AFF3: variants seen among roughly 807,000 people sequenced by gnomAD.
AFF3 encodes ALF transcription elongation factor 3.
In AFF3, 32 loss-of-function variants were observed where a neutral mutation model predicts 129.7. That is an observed-to-expected ratio of 0.25 (90% confidence interval 0.19 to 0.33). The LOEUF (loss-of-function observed/expected upper bound fraction) is 0.33, where lower values mean the gene tolerates loss of function less well. Ranked by LOEUF, AFF3 falls within the 10% of genes least tolerant of loss-of-function variation. AFF3 has a pLI of 1.00. For synonymous variants in AFF3, 644 were observed against 635.4 expected (o/e 1.01, Z -0.20); for missense variants, 1,373 against 1,592.0 (o/e 0.86, Z 2.34).
intron 7 of AFF3, among the ~76,000 whole-genome samples, chr2:99,947,672 A>G (rs1170126683): frequency 6.6e-6 from 1 of 152,074 alleles, no homozygotes; most frequent in Non-Finnish European, 1.5e-5. Context: ...AGACAGACAG[A>G]TAGATCGATC....
At chr2:99,668,639 T>G (rs998618208) in intron 12 of AFF3, among the ~76,000 whole-genome samples, 1 of 152,116 alleles carries the variant, frequency 6.6e-6, no homozygotes, top group Admixed American at 6.5e-5. Flanking sequence ...TTTGGCTCAC[T>G]GCAACCTCCG....
At chr2:100,078,085 C>T (rs893275415) in intron 4 of AFF3, among the ~76,000 whole-genome samples, 2 of 152,190 alleles carry the variant, frequency 1.3e-5, no homozygotes, top group South Asian at 4.1e-4. Context: ...GTAAACTACA[C>T]ATATTTTGCA....
At chr2:100,094,352 T>A (rs1690111162) in intron 4 of AFF3, among the ~76,000 whole-genome samples, 1 of 152,000 alleles carries the variant, frequency 6.6e-6, no homozygotes, top group African/African-American at 2.4e-5. Context: ...CTGGGGGTGA[T>A]GGGAGACAGT....
chr2:100,055,509 G>A (rs910541074), intron 4 of AFF3, among the ~76,000 whole-genome samples: 10 of 151,604 alleles, frequency 6.6e-5, no homozygotes, highest in Admixed American at 5.9e-4. Context: ...AAAAATGCCA[G>A]GCTCAACCTC....
At chr2:99,589,630 AT>A (rs1678469443) in intron 15 of AFF3, among the ~76,000 whole-genome samples, 1 of 151,922 alleles carries the variant, frequency 6.6e-6, no homozygotes, top group Non-Finnish European at 1.5e-5. Flanking sequence ...CGATCTCTTG[AT>A]CTCGTGATCT....
chr2:100,125,024 A>G (rs922052168), intron 2 of AFF3, among the ~76,000 whole-genome samples: 5 of 152,214 alleles, frequency 3.3e-5, no homozygotes, highest in Admixed American at 6.5e-5. Flanking sequence ...CAATTTCAAC[A>G]CAAAAACAAA....
intron 13 of AFF3, among the ~76,000 whole-genome samples, chr2:99,611,886 C>CA (rs36056201): frequency 0.29 from 41,501 of 145,048 alleles, 5,900 homozygotes; most frequent in Non-Finnish European, 0.33. Context: ...GATATCATCT[C>CA]AAAAAAAAAA....
At chr2:99,897,318 T>A (rs1237518681) in intron 7 of AFF3, among the ~76,000 whole-genome samples, 1 of 152,144 alleles carries the variant, frequency 6.6e-6, no homozygotes, top group African/African-American at 2.4e-5. Flanking sequence ...CACATGCAAT[T>A]AATTTGAAAA....
chr2:99,883,975 T>C (rs557343099), intron 7 of AFF3, among the ~76,000 whole-genome samples: 6 of 152,228 alleles, frequency 3.9e-5, no homozygotes, highest in African/African-American at 1.2e-4. Flanking sequence ...CCATTAATCA[T>C]GCACATTTGT....
chr2:99,914,210 C>T (rs147192949), intron 7 of AFF3, among the ~76,000 whole-genome samples: 197 of 152,206 alleles, frequency 1.3e-3, no homozygotes, highest in Middle Eastern at 0.01. Flanking sequence ...TGATGTGCAA[C>T]GAACTGAGAA....
chr2:100,003,883 C>T (rs1193303908), intron 7 of AFF3, among the ~76,000 whole-genome samples: 1 of 151,752 alleles, frequency 6.6e-6, no homozygotes, highest in Non-Finnish European at 1.5e-5. Context: ...TTAATTTGGA[C>T]TGTAAATGAG....
intron 8 of AFF3, among the ~76,000 whole-genome samples, chr2:99,760,211 G>T (rs1257397914): frequency 6.6e-6 from 1 of 152,134 alleles, no homozygotes; most frequent in East Asian, 1.9e-4. Flanking sequence ...ATATGGGGAA[G>T]AGTTTTTTAA....
rs3073407 is a variant in AFF3, at chr2:99,628,723, A to ATTTTT, written c.1184+20898_1184+20902dup. 6.5e-5 allele frequency among the ~76,000 whole-genome samples: 6 copies of ATTTTT among 92,426 alleles called. 2 individuals are homozygous for ATTTTT. The highest frequency in any genetic ancestry group is 5.9e-5 in the Non-Finnish European group (3 of 51,190). 60.6% of individuals were successfully genotyped at this position (92,426 alleles called of 152,430 possible). A position where few individuals can be genotyped will look rare whatever the true frequency, so the allele number is the denominator to read the frequency against. On this transcript the variant is annotated intron_variant, in intron 13 of 24. Transcript: ENST00000672756. The stretch of plus-strand genomic sequence containing the variant: ...AGGCACGTGCCACCATGCTTGACTG[A>ATTTTT]TTTTTTTTTTTTTTTGAGACAGAGT...
chr2:99,593,655 T>C lies in AFF3; in HGVS notation c.2006A>G (p.Glu669Gly), dbSNP rs1678967677. 6.2e-7 allele frequency: 1 copy of C among 1,606,514 alleles called. No homozygotes were observed. Among genetic ancestry groups the C allele is most frequent in the African/African-American group, 1.3e-5 (1 of 74,834 alleles). Residue 669 changes from glutamate (E) to glycine (G), a missense_variant, in exon 15 of 25, where the codon GAG becomes GGG. Glu to Gly is a moderately conservative substitution (Grantham distance 98). Transcript: ENST00000672756. ...VPKSKEFIET[E>G]SSSSSSSSDS... ...CGAGGAGGAGGATGAAGATGACGAC[T>C]CTGTCTCAATGAACTCCTTGGATTT...
intron 6 of AFF3, 41 bp from the exon 7 acceptor site, chr2:100,007,058 G>C (rs533229268): frequency 1.3e-6 from 2 of 1,589,304 alleles, no homozygotes; most frequent in East Asian, 2.2e-5. Flanking sequence ...AGGATGAGGG[G>C]GGTCGACACA....
At chr2:99,966,650 A>G (rs1677791143) in intron 7 of AFF3, among the ~76,000 whole-genome samples, 1 of 123,092 alleles carries the variant, frequency 8.1e-6, no homozygotes, top group East Asian at 2.9e-4. Flanking sequence ...AGATCCCGCC[A>G]CTGCACTCCA....
chr2:99,987,060 C>T (rs1336468608), intron 7 of AFF3, among the ~76,000 whole-genome samples: 2 of 152,228 alleles, frequency 1.3e-5, no homozygotes, highest in Non-Finnish European at 2.9e-5. Context: ...GGCTTCCCAG[C>T]TGCACTTCTC....
At chr2:100,041,019 A>G (rs954010240) in intron 4 of AFF3, among the ~76,000 whole-genome samples, 1 of 152,236 alleles carries the variant, frequency 6.6e-6, no homozygotes, top group Admixed American at 6.5e-5. Flanking sequence ...ATGCAGAGCC[A>G]AAGCCTGTGC....
intron 7 of AFF3, among the ~76,000 whole-genome samples, chr2:99,840,799 G>A (rs1022115451): frequency 2.9e-4 from 44 of 152,276 alleles, no homozygotes; most frequent in African/African-American, 1.0e-3. Context: ...GGTTATATAG[G>A]AAAGTCTCAG....
Sources: gnomAD v4.1 joint callset for allele counts (sites outside exome capture counted in the v4.1 genomes callset) on GRCh38, gnomAD v4.1.1 for gene constraint, MANE v1.5 for transcripts, NCBI Gene and HGNC (gene_info 2026-07-23, HGNC 2026-07-21) for gene names.